ANKRD36: variants seen among roughly 807,000 people sequenced by gnomAD.
The protein encoded by ANKRD36 is ankyrin repeat domain 36.
In ANKRD36, 179 loss-of-function variants were observed where a neutral mutation model predicts 278.1. The ratio of observed to expected loss-of-function variants is 0.64; its 90% confidence interval spans 0.57 to 0.73. The LOEUF (loss-of-function observed/expected upper bound fraction) is 0.73, where lower values mean the gene tolerates loss of function less well. ANKRD36 is among the 30% of genes least tolerant of loss of function. ANKRD36 has a pLI of 0.00. For missense variants in ANKRD36, 1,159 were observed against 1,956.7 expected (o/e 0.59, Z 7.69); for synonymous variants, 320 against 641.1 (o/e 0.50, Z 7.57).
chr2:97,203,159 G>A (rs1445668459), intron 48 of ANKRD36, among the ~76,000 whole-genome samples: 1 of 151,742 alleles, frequency 6.6e-6, no homozygotes, highest in African/African-American at 2.4e-5. Flanking sequence ...GCTACCTCTT[G>A]GATACCATAG....
chr2:97,189,540 G>A (rs1317361844), intron 34 of ANKRD36, among the ~76,000 whole-genome samples: 1 of 88,314 alleles, frequency 1.1e-5, no homozygotes, highest in African/African-American at 2.6e-5. Flanking sequence ...ATGGAGAGAG[G>A]TTCAAGACAT....
chr2:97,211,887 T>C, intron 58 of ANKRD36, 146 bp downstream of exon 58: 2 of 1,116,384 alleles, frequency 1.8e-6, no homozygotes, highest in Non-Finnish European at 2.5e-6. Flanking sequence ...AGTTCTCGGG[T>C]GACCCTGATG....
intron 6 of ANKRD36, among the ~76,000 whole-genome samples, chr2:97,138,715 A>G (rs1215559529): frequency 6.6e-6 from 1 of 152,124 alleles, no homozygotes; most frequent in Non-Finnish European, 1.5e-5. Flanking sequence ...TGAAAACAGC[A>G]TGGTACTGGT....
At chr2:97,234,917 T>C (rs2073259863) in intron 68 of ANKRD36, among the ~76,000 whole-genome samples, 1 of 134,154 alleles carries the variant, frequency 7.5e-6, no homozygotes, top group African/African-American at 3.2e-5. Flanking sequence ...TTGGATACTA[T>C]TACTTTTAGC....
chr2:97,208,805 G>T lies in ANKRD36; in HGVS notation c.3265+799G>T, dbSNP rs1444205750. Among the ~76,000 whole-genome samples, 12 of 146,614 alleles carry T rather than the reference G, an allele frequency of 8.2e-5. 3 individuals carry two copies. Among genetic ancestry groups the T allele is most frequent in the African/African-American group, 3.2e-4 (12 of 37,710 alleles). ...AGCTATTTAATGTAACTTCTTTAGA[G>T]AATAACACGATACTCCCAACCAGAC... On this transcript the variant is annotated intron_variant, in intron 54 of 75. Coordinates refer to ENST00000420699, the MANE Select transcript of ANKRD36 (RefSeq NM_001354587.1).
At chr2:97,151,196 T>C (rs1408498154) in intron 12 of ANKRD36, among the ~76,000 whole-genome samples, 1 of 152,068 alleles carries the variant, frequency 6.6e-6, no homozygotes, top group East Asian at 1.9e-4. Flanking sequence ...CACATGTCTT[T>C]AGTGTCTATT....
rs778802208 is a variant in ANKRD36, at chr2:97,243,920, G to A, written c.4382G>A (p.Arg1461Lys). 1.2e-6 allele frequency: 2 copies of A among 1,605,684 alleles called. No homozygotes were observed. The highest frequency in any genetic ancestry group is 1.7e-6 in the Non-Finnish European group (2 of 1,177,792). The change falls in exon 70 of 76, where the codon AGA becomes AAA. Residue 1461 changes from arginine to lysine, a missense_variant. Transcript: ENST00000420699. ...CACCAAAAAGTTAGGGAAAAGTTAA[G>A]AATAACAGAAGAGCAATATAGGATA... is the stretch of plus-strand genomic sequence containing the variant. ...EVHQKVREKL[R>K]ITEEQYRIEA...
Position 97,204,256 on chromosome 2 carries a change from T to A in ANKRD36, c.3054T>A (p.Thr1018=), listed in dbSNP as rs746172286. Residue 1018 remains threonine (T), a synonymous_variant, in exon 50 of 76, where the codon ACT becomes ACA. Transcript: ENST00000420699. ...GAGGAAAAAAGGATGGAGAAAAAACTAGGACAGGTAATTTTGAAAAGAGAT... is the reference window on the plus strand; with the variant it reads ...GAGGAAAAAAGGATGGAGAAAAAACAAGGACAGGTAATTTTGAAAAGAGAT... ...IARGKKDGEK[T]RTVSSQKPPT... 103 of 1,565,020 alleles carry A rather than the reference T, an allele frequency of 6.6e-5. 1 individual carries two copies. In the Admixed American group the frequency reaches 7.0e-4, roughly 11 times the overall value.
intron 66 of ANKRD36, among the ~76,000 whole-genome samples, chr2:97,220,789 T>TTTTTTTTTTTTTTTTTTTA (rs2067376044): frequency 2.4e-5 from 3 of 127,156 alleles, no homozygotes; most frequent in East Asian, 3.2e-4. Context: ...TTTTTTTTTT[T>TTTTTTTTTTTTTTTTTTTA]ATTATACTCT....
intron 68 of ANKRD36, among the ~76,000 whole-genome samples, chr2:97,235,277 C>T (rs2073372877): frequency 6.6e-6 from 1 of 151,412 alleles, no homozygotes; most frequent in Non-Finnish European, 1.5e-5. Context: ...GCTATCCTTT[C>T]TCCACTGCAT....
intron 40 of ANKRD36, 95 bp from the exon 41 acceptor site, chr2:97,196,498 C>T (rs2059807044): frequency 6.4e-7 from 1 of 1,573,922 alleles, no homozygotes; most frequent in South Asian, 1.2e-5. Flanking sequence ...CTAATACAGG[C>T]AGGAGGACAG....
At chr2:97,146,389 G>T (rs1307372216) in intron 10 of ANKRD36, 97 bp from the exon 11 acceptor site, 7 of 1,045,934 alleles carry the variant, frequency 6.7e-6, no homozygotes, top group Non-Finnish European at 9.2e-6. Context: ...TTGAGTAGCT[G>T]AGATTATAGG....
At chr2:97,201,410 T>G (rs1275690105) in intron 46 of ANKRD36, among the ~76,000 whole-genome samples, 1 of 151,942 alleles carries the variant, frequency 6.6e-6, no homozygotes, top group African/African-American at 2.4e-5. Flanking sequence ...TCATTTTCAA[T>G]GAATATTGGA....
intron 66 of ANKRD36, among the ~76,000 whole-genome samples, chr2:97,220,323 C>T (rs1252327201): frequency 7.7e-3 from 1,121 of 145,752 alleles, no homozygotes; most frequent in African/African-American, 0.029. Flanking sequence ...CTATAAAATG[C>T]TACATTTTAT....
chr2:97,205,851 G>A, intron 50 of ANKRD36, 89 bp from the exon 51 acceptor site: 1 of 1,441,856 alleles, frequency 6.9e-7, no homozygotes. Flanking sequence ...CAGGCAGGAG[G>A]ACAGAGGTTG....
chr2:97,211,559 A>G lies in ANKRD36; in HGVS notation c.3381A>G (p.Lys1127=), dbSNP rs1302385447. 6 of 1,607,080 alleles carry G rather than the reference A, an allele frequency of 3.7e-6. No homozygotes were observed. The highest frequency in any genetic ancestry group is 4.3e-6 in the Non-Finnish European group (5 of 1,175,638). Reference sequence around the variant, plus strand: ...TTTGCTTTTCAGTGTCTTCTCCGAAACAACCAGCATTGAAGGTAATTAAGC... The same window carrying G: ...TTTGCTTTTCAGTGTCTTCTCCGAAGCAACCAGCATTGAAGGTAATTAAGC... The part of the protein sequence containing the change: ...GEKSRTVSSP[K]QPALKAICDK... The change falls in exon 57 of 76, where the codon AAA becomes AAG. Residue 1127 remains lysine (K), a synonymous_variant. Coordinates refer to ENST00000420699, the MANE Select transcript of ANKRD36 (RefSeq NM_001354587.1).
intron 75 of ANKRD36, among the ~76,000 whole-genome samples, chr2:97,258,920 GA>G (rs2076474477): frequency 7.0e-6 from 1 of 143,760 alleles, no homozygotes; most frequent in African/African-American, 2.5e-5. Context: ...TCATGTTTGG[GA>G]AATTTTTAGT....
At chr2:97,172,831 A>G (rs201485837) in intron 22 of ANKRD36, among the ~76,000 whole-genome samples, 3 of 146,394 alleles carry the variant, frequency 2.0e-5, no homozygotes, top group Admixed American at 6.9e-5. Context: ...TTGTGTGTGA[A>G]TGTGTGTGTG....
At chr2:97,232,525 C>T (rs1292126115) in intron 67 of ANKRD36, among the ~76,000 whole-genome samples, 1 of 130,030 alleles carries the variant, frequency 7.7e-6, no homozygotes. Context: ...ACAGGAAGAA[C>T]AAACTTAAGT....
Sources: gnomAD v4.1 joint callset for allele counts (sites outside exome capture counted in the v4.1 genomes callset) on GRCh38, gnomAD v4.1.1 for gene constraint, MANE v1.5 for transcripts, NCBI Gene and HGNC (gene_info 2026-07-23, HGNC 2026-07-21) for gene names.